Variants in UBE4A observed in about 807,000 individuals in gnomAD.
The protein encoded by UBE4A is ubiquitin conjugation factor E4 A.
A neutral mutation model predicts 117.9 loss-of-function variants in UBE4A; 48 were observed. The ratio of observed to expected loss-of-function variants is 0.41; its 90% CI spans 0.32 to 0.52. The LOEUF is 0.52. Ranked by LOEUF, UBE4A falls within the 20% of genes least tolerant of loss-of-function variation. The probability of loss-of-function intolerance (pLI) is 0.33; values close to 1 mark genes in which losing one functional copy is unlikely to be tolerated. For missense variants in UBE4A, 1,067 were observed against 1,296.3 expected, an observed-to-expected ratio of 0.82 and a Z score of 2.72; for synonymous variants, 407 against 450.0, an observed-to-expected ratio of 0.90 and a Z score of 1.21.
intron 4 of UBE4A, 64 bp from the exon 5 acceptor site, chr11:118,371,450 A>G (rs1948609475): frequency 6.6e-7 from 1 of 1,519,012 alleles, no homozygotes; most frequent in South Asian, 1.3e-5. Flanking sequence ...ATTACCTTTT[A>G]CATCTTAATG....
intron 16 of UBE4A, among the ~76,000 whole-genome samples, chr11:118,388,648 CAAA>C (rs59525448): frequency 2.6e-5 from 3 of 115,236 alleles, no homozygotes; most frequent in Admixed American, 1.8e-4. Flanking sequence ...GACTCTATCT[CAAA>C]AAAAAAAAAA....
chr11:118,365,032 T>C lies in UBE4A; in HGVS notation c.-41-8T>C. The C allele has an allele frequency of 6.3e-7, 1 of 1,598,874 alleles. No homozygotes were observed. The highest frequency in any genetic ancestry group is 8.5e-7 in the Non-Finnish European group (1 of 1,172,664). On this transcript the variant is annotated splice_polypyrimidine_tract_variant and splice_region_variant and intron_variant, in intron 1 of 19. Coordinates refer to ENST00000252108, the MANE Select transcript of UBE4A (RefSeq NM_001204077.2). ...CCCTCTTGTGTCTAATACCTGTCCTTTGAACAGCCTCTCCCACTAGGTCTG... is the reference window on the plus strand; with the variant it reads ...CCCTCTTGTGTCTAATACCTGTCCTCTGAACAGCCTCTCCCACTAGGTCTG...
In UBE4A at chr11:118,398,006, T is replaced by C. The variant is rs1381382741; in HGVS notation, c.*1566T>C. 1 of 152,660 alleles carries C rather than the reference T, an allele frequency of 6.6e-6. No homozygotes were observed. The highest frequency in any genetic ancestry group is 2.4e-5 in the African/African-American group (1 of 41,466). 9.5% of individuals were successfully genotyped at this position (152,660 alleles called of 1,614,324 possible). ...TCATTCAGTGTGCTCCCTGGGCCTT[T>C]ATGGCATGGGTTGACAGGATTTGTT... is the stretch of plus-strand genomic sequence containing the variant. On this transcript the variant is annotated 3_prime_UTR_variant, in exon 20 of 20. Coordinates refer to ENST00000252108, the MANE Select transcript of UBE4A (RefSeq NM_001204077.2).
At position 118,382,654 on chromosome 11, in the gene UBE4A, A is replaced by G. The variant is rs1555126515; in HGVS notation, c.2075A>G (p.Asp692Gly). Residue 692 changes from aspartate (D) to glycine (G), a missense_variant, in exon 13 of 20, where the codon GAT becomes GGT. Transcript: ENST00000252108. ...TTGGAAGCAGTGATGCCCCACCTGG[A>G]TCAGACCCCAAATCCCTTGGTATCC... ...EVLEAVMPHL[D>G]QTPNPLVSSV... The G allele has an allele frequency of 2.5e-6, 4 of 1,603,532 alleles. No individual in the cohort carries two copies. Among genetic ancestry groups the G allele is most frequent in the Non-Finnish European group, 3.4e-6 (4 of 1,174,014 alleles).
At chr11:118,366,690 C>G (rs11216858) in intron 2 of UBE4A, among the ~76,000 whole-genome samples, 48,819 of 152,142 alleles carry the variant, frequency 0.32, 8,194 homozygotes, top group East Asian at 0.58. Flanking sequence ...GACTTTCAGA[C>G]TAGCCATTCT....
chr11:118,385,547 T>G (rs1215787329), intron 15 of UBE4A, among the ~76,000 whole-genome samples: 1 of 152,214 alleles, frequency 6.6e-6, no homozygotes, highest in Admixed American at 6.5e-5. Flanking sequence ...TCTCAGCTCC[T>G]TCAGTGTATT....
At chr11:118,377,153 T>C (rs1256054620) in intron 10 of UBE4A, among the ~76,000 whole-genome samples, 1 of 152,216 alleles carries the variant, frequency 6.6e-6, no homozygotes, top group Admixed American at 6.5e-5. Flanking sequence ...ATGAATTTAC[T>C]TGTGTTTCAT....
In UBE4A at chr11:118,384,955, A is replaced by AT; in HGVS notation, c.2412+10_2412+11insT. 2 of 1,554,862 alleles carry AT rather than the reference A, an allele frequency of 1.3e-6. No individual in the cohort carries two copies. The highest frequency in any genetic ancestry group is 8.7e-7 in the Non-Finnish European group (1 of 1,148,348). ...GGATGAAGCCATACAGGTAAAAAAA[A>AT]AAAAAAAAAAAAAGATTTAACTTCT... On this transcript the variant is annotated intron_variant, in intron 15 of 19. Transcript: ENST00000252108.
chr11:118,382,411 C>T (rs1309287731), intron 12 of UBE4A, among the ~76,000 whole-genome samples, 178 bp from the exon 13 acceptor site: 1 of 146,252 alleles, frequency 6.8e-6, no homozygotes, highest in East Asian at 2.1e-4. Context: ...CCCTGCATCA[C>T]CACCCCACCC....
At chr11:118,375,358 A>AT (rs1372073786) in intron 9 of UBE4A, 129 bp downstream of exon 9, 840 of 968,156 alleles carry the variant, frequency 8.7e-4, no homozygotes, top group Admixed American at 1.3e-3. Flanking sequence ...AGCTATTTCG[A>AT]TTTTTTTTTC....
At chr11:118,366,587 C>T (rs1392286175) in intron 2 of UBE4A, among the ~76,000 whole-genome samples, 1 of 152,232 alleles carries the variant, frequency 6.6e-6, no homozygotes, top group Non-Finnish European at 1.5e-5. Context: ...CCTGTTTCCA[C>T]TAGCAATTAG....
rs1948890305 is a variant in UBE4A, at chr11:118,397,929, T to C, written c.*1489T>C. ...TAGGTGTTGCCTATTGCTGTGCTTA[T>C]AAAATGAAAAAGGAAATTGAGGACA... is the stretch of plus-strand genomic sequence containing the variant. On this transcript the variant is annotated 3_prime_UTR_variant, in exon 20 of 20. Transcript: ENST00000252108. 6.6e-6 allele frequency: 1 copy of C among 152,350 alleles called. No homozygotes were observed. The highest frequency in any genetic ancestry group is 2.4e-5 in the African/African-American group (1 of 41,450). 9.4% of individuals were successfully genotyped at this position (152,350 alleles called of 1,614,324 possible). A position where few individuals can be genotyped will look rare whatever the true frequency, so the allele number is the denominator to read the frequency against.
At position 118,373,099 on chromosome 11, in the gene UBE4A, A is replaced by G; in HGVS notation, c.735A>G (p.Val245=). ...EAIQGAHFED[V]TEFLEEVIEA... ...GTCTTCTGTTAGATTTTGAAGATGT[A>G]ACTGAGTTTCTGGAAGAGGTCATTG... Residue 245 remains valine, a synonymous_variant, in exon 7 of 20, where the codon GTA becomes GTG. Transcript: ENST00000252108. The G allele has an allele frequency of 1.9e-6, 3 of 1,614,064 alleles. No homozygotes were observed. The highest frequency in any genetic ancestry group is 2.5e-6 in the Non-Finnish European group (3 of 1,180,012).
intron 10 of UBE4A, chr11:118,379,080 T>A (rs1948677360): frequency 4.2e-6 from 1 of 238,544 alleles, no homozygotes; most frequent in Admixed American, 5.1e-5. Flanking sequence ...CAAAGTATGA[T>A]CATTGCCCTT....
At chr11:118,367,705 A>G (rs1037154020) in intron 2 of UBE4A, among the ~76,000 whole-genome samples, 1 of 151,680 alleles carries the variant, frequency 6.6e-6, no homozygotes, top group African/African-American at 2.4e-5. Flanking sequence ...TCACCATGTT[A>G]GCCAGGATGG....
chr11:118,373,029 G>T, intron 6 of UBE4A, 57 bp from the exon 7 acceptor site: 2 of 1,420,684 alleles, frequency 1.4e-6, no homozygotes, highest in Non-Finnish European at 2.0e-6. Context: ...GAGCTAGTGT[G>T]TAAAGGCATA....
Position 118,392,858 on chromosome 11 carries a change from AC to A in UBE4A, c.3038del (p.Thr1013MetfsTer35). The A allele has an allele frequency of 6.2e-7, 1 of 1,614,104 alleles. No individual in the cohort carries two copies. The highest frequency in any genetic ancestry group is 1.1e-5 in the South Asian group (1 of 91,074). ...TGTGGTGCTGCCATCTTCCAGAGTC[AC>A]TGTGGATAGATCCACCATTGCAAGA... ...DPVVLPSSRV[T>X]VDRSTIARHL... On this transcript the variant is annotated frameshift_variant, in exon 19 of 20. Transcript: ENST00000252108. LOFTEE classifies it high-confidence loss of function.
Position 118,392,820 on chromosome 11 carries a change from T to C in UBE4A, c.2999T>C (p.Leu1000Pro). ...DEFLDPIMST[L>P]MCDPVVLPSS... The stretch of plus-strand genomic sequence containing the variant: ...TTCCTGGATCCCATTATGAGCACAC[T>C]GATGTGTGACCCTGTGGTGCTGCCA... Residue 1000 changes from leucine (L) to proline (P), a missense_variant, in exon 19 of 20, where the codon CTG becomes CCG. Leu to Pro is a moderately conservative substitution (Grantham distance 98). Coordinates refer to ENST00000252108, the MANE Select transcript of UBE4A (RefSeq NM_001204077.2). The C allele has an allele frequency of 1.2e-6, 2 of 1,614,156 alleles. No individual in the cohort carries two copies. Among genetic ancestry groups the C allele is most frequent in the Non-Finnish European group, 1.7e-6 (2 of 1,179,988 alleles).
chr11:118,389,226 AGCC>A (rs1948788801), intron 16 of UBE4A, among the ~76,000 whole-genome samples: 1 of 152,206 alleles, frequency 6.6e-6, no homozygotes, highest in Non-Finnish European at 1.5e-5. Flanking sequence ...ATACTTAACT[AGCC>A]ACATGTGGCT....
Sources: allele counts gnomAD v4.1 joint callset (sites outside exome capture counted in the v4.1 genomes callset), GRCh38; gene constraint gnomAD v4.1.1; transcripts MANE v1.5; gene names NCBI Gene and HGNC (gene_info 2026-07-23, HGNC 2026-07-21).